The following KIFAP3 variants were observed in gnomAD, a reference collection of about 807,000 sequenced individuals.
KIFAP3 encodes the protein kinesin associated protein 3.
In KIFAP3, 68 loss-of-function variants were observed where a neutral mutation model predicts 106.5. The observed-to-expected ratio is 0.64, with a 90% CI of 0.53 to 0.78. KIFAP3 has a LOEUF of 0.78. KIFAP3 is among the 30% of genes least tolerant of loss of function. KIFAP3 has a pLI of 0.00. For missense variants in KIFAP3, 780 were observed against 941.8 expected, an observed-to-expected ratio of 0.83 and a Z score of 2.25; for synonymous variants, 320 against 311.5, an observed-to-expected ratio of 1.03 and a Z score of -0.29.
chr1:169,960,510 C>T (rs1215716185), intron 18 of KIFAP3, among the ~76,000 whole-genome samples: 2 of 151,990 alleles, frequency 1.3e-5, no homozygotes, highest in African/African-American at 2.4e-5. Flanking sequence ...GTAAGATTTA[C>T]ATAAATATTA....
intron 17 of KIFAP3, among the ~76,000 whole-genome samples, chr1:169,965,914 T>G (rs1665589282): frequency 6.6e-6 from 1 of 151,988 alleles, no homozygotes; most frequent in African/African-American, 2.4e-5. Context: ...GGCAGTGAGT[T>G]AGCACAGAAC....
chr1:170,039,222 T>G lies in KIFAP3; in HGVS notation c.375+11A>C. 3 of 1,556,226 alleles carry G rather than the reference T, an allele frequency of 1.9e-6. No individual in the cohort carries two copies. Among genetic ancestry groups the G allele is most frequent in the South Asian group, 1.2e-5 (1 of 84,958 alleles). ...CAGTCCTCTATTAGATCAGAATGCA[T>G]GCAGTCTTACCTCCATTCCTTCAAA... On this transcript the variant is annotated intron_variant, in intron 4 of 19. Coordinates refer to ENST00000361580, the MANE Select transcript of KIFAP3 (RefSeq NM_014970.4).
At chr1:170,068,140 C>G (rs1213001785) in intron 1 of KIFAP3, 5 of 151,966 alleles carry the variant, frequency 3.3e-5, no homozygotes. Context: ...TCAAAATACC[C>G]AGTTTTCAAC....
chr1:169,969,747 C>T (rs1030978582), intron 17 of KIFAP3, among the ~76,000 whole-genome samples: 2 of 151,858 alleles, frequency 1.3e-5, no homozygotes, highest in Non-Finnish European at 2.9e-5. Flanking sequence ...ATACAGTGTG[C>T]CGTTAGTACA....
Position 169,921,790 on chromosome 1 carries a change from G to GA in KIFAP3, c.2274-10dup. 6.2e-7 allele frequency: 1 copy of GA among 1,602,484 alleles called. No homozygotes were observed. The highest frequency in any genetic ancestry group is 1.1e-5 in the South Asian group (1 of 90,648). ...AGCCATCCATTCCAAGGCTAAAAAAGAAAAAAAAGAATGATAAGCTATGTT... is the reference window on the plus strand; with the variant it reads ...AGCCATCCATTCCAAGGCTAAAAAAGAAAAAAAAAGAATGATAAGCTATGTT... On this transcript the variant is annotated splice_polypyrimidine_tract_variant and intron_variant, in intron 19 of 19. Transcript: ENST00000361580.
At chr1:169,998,082 C>G (rs1284513073) in intron 10 of KIFAP3, among the ~76,000 whole-genome samples, 1 of 150,964 alleles carries the variant, frequency 6.6e-6, no homozygotes, top group Non-Finnish European at 1.5e-5. Context: ...CCTCTCAATA[C>G]CCCCCTCCAC....
chr1:169,975,194 T>G (rs548163099), intron 16 of KIFAP3, among the ~76,000 whole-genome samples: 1 of 152,122 alleles, frequency 6.6e-6, no homozygotes, highest in Non-Finnish European at 1.5e-5. Flanking sequence ...CTGTATTTTA[T>G]TTCCCATACT....
chr1:170,016,425 TC>T, intron 10 of KIFAP3, 36 bp downstream of exon 10: 1 of 1,550,176 alleles, frequency 6.5e-7, no homozygotes, highest in South Asian at 1.2e-5. Context: ...TGTTGGAAAT[TC>T]CAGACAACAC....
rs369975329 is a variant in KIFAP3, at chr1:170,046,869, G to C, written c.165-3C>G. On this transcript the variant is annotated splice_region_variant and splice_polypyrimidine_tract_variant and intron_variant, in intron 2 of 19. Coordinates refer to ENST00000361580, the MANE Select transcript of KIFAP3 (RefSeq NM_014970.4). ...CATTGAGACTCTTAAGTCGAATGCT[G>C]TAAGTATAACAGAATTTTTCAACTC... 1.9e-6 allele frequency: 3 copies of C among 1,584,706 alleles called. No individual in the cohort carries two copies. The highest frequency in any genetic ancestry group is 8.6e-7 in the Non-Finnish European group (1 of 1,165,434).
chr1:169,962,315 T>G (rs1001049987), intron 17 of KIFAP3, among the ~76,000 whole-genome samples: 1 of 152,198 alleles, frequency 6.6e-6, no homozygotes, highest in Non-Finnish European at 1.5e-5. Flanking sequence ...GTGAATGGTT[T>G]TGAAGGACAA....
At chr1:170,023,768 G>T (rs1159092139) in intron 9 of KIFAP3, among the ~76,000 whole-genome samples, 1 of 151,932 alleles carries the variant, frequency 6.6e-6, no homozygotes, top group Non-Finnish European at 1.5e-5. Context: ...AGGTGAAAAT[G>T]ATATATGCTC....
At chr1:169,995,758 G>A (rs527702657) in intron 10 of KIFAP3, among the ~76,000 whole-genome samples, 1 of 152,028 alleles carries the variant, frequency 6.6e-6, no homozygotes, top group South Asian at 2.1e-4. Flanking sequence ...TTCAGGTAAG[G>A]TGAGAGGAAG....
In KIFAP3 at chr1:169,984,613, A is replaced by G; in HGVS notation, c.1362T>C (p.Ala454=). The change falls in exon 12 of 20, where the codon GCT becomes GCC. Residue 454 remains alanine, a synonymous_variant. Transcript: ENST00000361580. ...AGATAAGCTGTACATTTCTTTTGTT[A>G]GCAGCAAGATTAATGCAGAAAGAAA... ...ELISFCINLA[A]NKRNVQLICE... is the part of the protein sequence containing the mutation. 1 of 1,606,672 alleles carries G rather than the reference A, an allele frequency of 6.2e-7. No homozygotes were observed. Among genetic ancestry groups the G allele is most frequent in the Non-Finnish European group, 8.5e-7 (1 of 1,174,854 alleles).
At chr1:169,955,305 C>T (rs565999837) in intron 18 of KIFAP3, among the ~76,000 whole-genome samples, 10 of 152,104 alleles carry the variant, frequency 6.6e-5, no homozygotes, top group African/African-American at 2.4e-4. Context: ...CAATACATAA[C>T]CTCTGTTTTT....
At chr1:170,043,540 G>A (rs531405960) in intron 3 of KIFAP3, among the ~76,000 whole-genome samples, 1 of 152,266 alleles carries the variant, frequency 6.6e-6, no homozygotes, top group East Asian at 1.9e-4. Flanking sequence ...CCTTGAATAT[G>A]CCCATTACCC....
At chr1:170,024,797 T>A (rs1016865685) in intron 8 of KIFAP3, 9 of 353,006 alleles carry the variant, frequency 2.5e-5, no homozygotes, top group Non-Finnish European at 4.6e-5. Flanking sequence ...GTGTGTGTTA[T>A]CTAAAACAAA....
chr1:170,041,610 G>T, intron 3 of KIFAP3: 1 of 1,294,518 alleles, frequency 7.7e-7, no homozygotes, highest in Non-Finnish European at 1.1e-6. Context: ...GAGTCCAAGT[G>T]GCTGCCTGGC....
chr1:169,936,141 T>A (rs1200744761), intron 19 of KIFAP3, among the ~76,000 whole-genome samples: 3 of 151,928 alleles, frequency 2.0e-5, no homozygotes, highest in African/African-American at 4.8e-5. Flanking sequence ...GTGTTAAAAA[T>A]TCATCAATAG....
intron 19 of KIFAP3, among the ~76,000 whole-genome samples, chr1:169,938,670 A>G (rs1028116046): frequency 3.3e-5 from 5 of 152,224 alleles, no homozygotes; most frequent in African/African-American, 4.8e-5. Flanking sequence ...GCCCATCTAG[A>G]GACTGTATTC....
Sources: gnomAD v4.1 joint callset for allele counts (sites outside exome capture counted in the v4.1 genomes callset) on GRCh38, gnomAD v4.1.1 for gene constraint, MANE v1.5 for transcripts, NCBI Gene and HGNC (gene_info 2026-07-23, HGNC 2026-07-21) for gene names.